Variants in PRSS3 observed in about 807,000 individuals in gnomAD.
The protein encoded by PRSS3 is serine protease 3.
Under a neutral mutation model 20.8 loss-of-function variants are expected in PRSS3, and 14 were observed. The observed-to-expected ratio is 0.67, with a 90% CI of 0.44 to 1.05. The LOEUF is 1.05. Among genes scored for constraint, PRSS3 ranks in the 50% least tolerant of loss-of-function variants. PRSS3 has a pLI of 0.00. For missense variants in PRSS3, 237 were observed against 306.4 expected (o/e 0.77, Z 1.69); for synonymous variants, 91 against 117.6 (o/e 0.77, Z 1.46).
intron 1 of PRSS3, among the ~76,000 whole-genome samples, chr9:33,787,874 G>A (rs537710401): frequency 2.0e-5 from 3 of 152,116 alleles, no homozygotes; most frequent in East Asian, 1.9e-4. Context: ...CAAATTACAC[G>A]AAGAGTGTTT....
intron 1 of PRSS3, among the ~76,000 whole-genome samples, chr9:33,783,504 G>A (rs934303269): frequency 6.6e-6 from 1 of 152,188 alleles, no homozygotes; most frequent in African/African-American, 2.4e-5. Flanking sequence ...TGGTAAAGCA[G>A]TAATAGTTTT....
intron 1 of PRSS3, 71 bp from the exon 2 acceptor site, chr9:33,796,572 C>A: frequency 2.5e-6 from 4 of 1,590,994 alleles, no homozygotes; most frequent in African/African-American, 1.3e-5. Context: ...TGGCAGGAAG[C>A]AACCGCAGGC....
intron 1 of PRSS3, among the ~76,000 whole-genome samples, chr9:33,788,476 T>A (rs1778126872): frequency 6.6e-6 from 1 of 152,240 alleles, no homozygotes; most frequent in Admixed American, 6.5e-5. Flanking sequence ...TAAGCACAGC[T>A]GGAAAAAGGC....
chr9:33,764,833 C>G (rs1020771096), intron 1 of PRSS3, among the ~76,000 whole-genome samples: 21 of 151,994 alleles, frequency 1.4e-4, no homozygotes, highest in African/African-American at 4.8e-4. Context: ...CAATAATAGA[C>G]AAGTAATCCA....
intron 1 of PRSS3, chr9:33,786,605 T>C (rs1293920282): frequency 3.9e-6 from 3 of 766,402 alleles, no homozygotes; most frequent in Admixed American, 1.7e-5. Flanking sequence ...GATGATCCAG[T>C]GTCAAGTCGA....
At chr9:33,760,803 CA>C (rs1823164431) in intron 1 of PRSS3, among the ~76,000 whole-genome samples, 1 of 151,174 alleles carries the variant, frequency 6.6e-6, no homozygotes, top group Non-Finnish European at 1.5e-5. Flanking sequence ...TGCTCAAGGT[CA>C]CAGAGTGAAT....
At chr9:33,754,164 C>T (rs1207622186) in intron 1 of PRSS3, among the ~76,000 whole-genome samples, 1 of 152,044 alleles carries the variant, frequency 6.6e-6, no homozygotes, top group Non-Finnish European at 1.5e-5. Context: ...CTCCGCTTCC[C>T]AGGGTTCAAG....
At chr9:33,752,270 C>T (rs1229459237) in intron 1 of PRSS3, among the ~76,000 whole-genome samples, 2 of 152,210 alleles carry the variant, frequency 1.3e-5, no homozygotes, top group Non-Finnish European at 2.9e-5. Flanking sequence ...CCAGTTGTTT[C>T]TGTTTCTCAT....
In PRSS3 at chr9:33,799,135, C is replaced by T. The variant is rs1825198397; in HGVS notation, c.699C>T (p.Tyr233=). 1.2e-6 allele frequency: 2 copies of T among 1,614,218 alleles called. No homozygotes were observed. The highest frequency in any genetic ancestry group is 1.7e-6 in the Non-Finnish European group (2 of 1,180,030). Residue 233 remains tyrosine, a synonymous_variant, in exon 5 of 5, where the codon TAC becomes TAT. Transcript: ENST00000379405. ...KNRPGVYTKV[Y]NYVDWIKDTI... ...GGCCTGGAGTCTACACCAAGGTCTA[C>T]AACTATGTGGACTGGATTAAGGACA...
intron 1 of PRSS3, among the ~76,000 whole-genome samples, chr9:33,785,365 G>A (rs187876957): frequency 0.047 from 7,094 of 150,574 alleles, 232 homozygotes; most frequent in South Asian, 0.079. Flanking sequence ...TTTTAGTAGA[G>A]ACGGGGTTTC....
chr9:33,771,645 GTTT>G (rs112204565), intron 1 of PRSS3, among the ~76,000 whole-genome samples: 1 of 78,738 alleles, frequency 1.3e-5, no homozygotes, highest in South Asian at 4.1e-4. Flanking sequence ...TTGTTTTTTT[GTTT>G]TTTTTTTTTT....
At chr9:33,790,277 A>G (rs554913446) in intron 1 of PRSS3, among the ~76,000 whole-genome samples, 1 of 152,300 alleles carries the variant, frequency 6.6e-6, no homozygotes, top group East Asian at 1.9e-4. Flanking sequence ...TATTCCCTTA[A>G]CCCAACAATA....
intron 1 of PRSS3, among the ~76,000 whole-genome samples, chr9:33,773,062 A>G (rs866379335): frequency 1.1e-4 from 16 of 152,156 alleles, no homozygotes; most frequent in African/African-American, 3.6e-4. Context: ...GGCATCAACC[A>G]TAATTTCTCC....
rs1822662571 is a variant in PRSS3, at chr9:33,750,926, G to T, written c.-53+199G>T. 4 of 1,260,558 alleles carry T rather than the reference G, an allele frequency of 3.2e-6. No homozygotes were observed. In the East Asian group the frequency reaches 9.3e-5, roughly 29 times the overall value. 78.1% of individuals were successfully genotyped at this position (1,260,558 alleles called of 1,614,324 possible). Reference sequence around the variant, plus strand: ...GATGGAGGCTCCTCTAGGGGAGGACGGGAGGGGATGGAGGGCCCTGGTGTC... The same window carrying T: ...GATGGAGGCTCCTCTAGGGGAGGACTGGAGGGGATGGAGGGCCCTGGTGTC... On this transcript the variant is annotated intron_variant, in intron 1 of 5. Coordinates refer to the PRSS3 transcript ENST00000342836. The surrounding 1 kb of genome is among the most constrained non-coding windows in gnomAD (Gnocchi z 4.8).
In PRSS3 at chr9:33,797,862, C is replaced by A; in HGVS notation, c.234C>A (p.Ile78=). The change falls in exon 3 of 5, where the codon ATC becomes ATA. Residue 78 remains isoleucine (I), a synonymous_variant. Coordinates refer to ENST00000379405, the MANE Select transcript of PRSS3 (RefSeq NM_002771.4). ...AGGTGAGACTGGGAGAGCACAACAT[C>A]AAAGTCCTGGAGGGGAATGAGCAGT... ...RIQVRLGEHN[I]KVLEGNEQFI... 1 of 1,614,264 alleles carries A rather than the reference C, an allele frequency of 6.2e-7. No individual in the cohort carries two copies. Among genetic ancestry groups the A allele is most frequent in the Non-Finnish European group, 8.5e-7 (1 of 1,180,046 alleles).
At chr9:33,774,801 C>A (rs1454315480) in intron 1 of PRSS3, among the ~76,000 whole-genome samples, 1 of 151,712 alleles carries the variant, frequency 6.6e-6, no homozygotes, top group Non-Finnish European at 1.5e-5. Flanking sequence ...GCCTGACCAA[C>A]ATGGTGAAAC....
At chr9:33,756,918 C>T (rs980745498) in intron 1 of PRSS3, among the ~76,000 whole-genome samples, 1 of 152,180 alleles carries the variant, frequency 6.6e-6, no homozygotes, top group Non-Finnish European at 1.5e-5. Context: ...GGATGCTGTG[C>T]GTCATCTGTG....
upstream of PRSS3, chr9:33,794,970 C>G: frequency 6.8e-7 from 1 of 1,479,360 alleles, no homozygotes; most frequent in Non-Finnish European, 9.0e-7. Flanking sequence ...AGCCCAGAAT[C>G]CTATGGAATG....
Position 33,799,221 on chromosome 9 carries a change from C to T in PRSS3, c.*41C>T, listed in dbSNP as rs1310087665. Reference sequence around the variant, plus strand: ...TGCAGTCTCTATACCAATAAAGTGGCCCTGCTCTCACTCTGTGTCTGTGCC... The same window carrying T: ...TGCAGTCTCTATACCAATAAAGTGGTCCTGCTCTCACTCTGTGTCTGTGCC... On this transcript the variant is annotated 3_prime_UTR_variant, in exon 5 of 5. Coordinates refer to ENST00000379405, the MANE Select transcript of PRSS3 (RefSeq NM_002771.4). 1.9e-6 allele frequency: 3 copies of T among 1,609,094 alleles called. No homozygotes were observed. The highest frequency in any genetic ancestry group is 2.5e-6 in the Non-Finnish European group (3 of 1,177,156).
Sources: gnomAD v4.1 joint callset for allele counts (sites outside exome capture counted in the v4.1 genomes callset) on GRCh38, gnomAD v4.1.1 for gene constraint, Gnocchi (gnomAD v3.1) non-coding constraint, MANE v1.5 for transcripts, NCBI Gene and HGNC (gene_info 2026-07-23, HGNC 2026-07-21) for gene names.